SPRY3: variants seen among roughly 807,000 people sequenced by gnomAD.
SPRY3 encodes the protein sprouty RTK signaling antagonist 3.
SPRY3 carries 15 observed loss-of-function variants against 20.2 expected under a neutral mutation model. That is an observed-to-expected ratio of 0.74 (90% CI 0.50 to 1.14). The LOEUF is 1.14. Among genes scored for constraint, SPRY3 ranks in the 50% most tolerant of loss-of-function variants. SPRY3 has a pLI of 0.00. For synonymous variants in SPRY3, 143 were observed against 136.5 expected, an observed-to-expected ratio of 1.05 and a Z score of -0.33; for missense variants, 364 against 363.9, an observed-to-expected ratio of 1.00 and a Z score of 0.00.
At chrX:155,780,115 C>T (rs1261136885), downstream of SPRY3, 1 of 166,926 alleles carries the variant, frequency 6.0e-6, no homozygotes, top group Non-Finnish European at 1.5e-5. Flanking sequence ...TATGTTTGCT[C>T]CCATATGTAT....
At chrX:155,780,173 A>C (rs767876203), downstream of SPRY3, 1 of 166,958 alleles carries the variant, frequency 6.0e-6, no homozygotes, top group East Asian at 1.9e-4. Context: ...TAACCCACAC[A>C]TTGTCATTCC....
At chrX:155,754,239 A>G (rs978759723) in intron 2 of SPRY3, among the ~76,000 whole-genome samples, 2 of 151,910 alleles carry the variant, frequency 1.3e-5, no homozygotes, top group Admixed American at 6.6e-5. Context: ...ATTTATGTCT[A>G]TGATTTTGAG....
chrX:155,705,507 A>G (rs967825156), intron 2 of SPRY3, among the ~76,000 whole-genome samples: 1 of 151,494 alleles, frequency 6.6e-6, no homozygotes, highest in African/African-American at 2.4e-5. Flanking sequence ...TTTTAATCCA[A>G]CCATATCAAT....
At chrX:155,719,026 C>T (rs994223660) in intron 2 of SPRY3, among the ~76,000 whole-genome samples, 1 of 152,146 alleles carries the variant, frequency 6.6e-6, no homozygotes, top group African/African-American at 2.4e-5. Context: ...ACTCACAGTA[C>T]CTGGTTTAGC....
intron 2 of SPRY3, among the ~76,000 whole-genome samples, chrX:155,744,216 G>A (rs2091215723): frequency 1.3e-5 from 2 of 152,052 alleles, no homozygotes; most frequent in Admixed American, 6.6e-5. Context: ...TGTGGATTCC[G>A]AGGTAATCCT....
chrX:155,759,535 ATATATC>A, intron 2 of SPRY3, among the ~76,000 whole-genome samples: 1 of 152,068 alleles, frequency 6.6e-6, no homozygotes, highest in East Asian at 1.9e-4. Flanking sequence ...ATCGCTATAT[ATATATC>A]TATATTAATA....
intron 1 of SPRY3, among the ~76,000 whole-genome samples, chrX:155,650,670 C>T (rs1478683740): frequency 1.8e-5 from 2 of 111,565 alleles, no homozygotes; most frequent in Non-Finnish European, 3.8e-5. Flanking sequence ...GGTGTACCAC[C>T]TTGCTCTCCC....
chrX:155,749,279 C>T (rs1050191435), intron 2 of SPRY3, among the ~76,000 whole-genome samples: 1 of 151,762 alleles, frequency 6.6e-6, no homozygotes, highest in Non-Finnish European at 1.5e-5. Context: ...AATAGACATT[C>T]CCTGTCCTTA....
chrX:155,760,478 G>A (rs1276852696), intron 2 of SPRY3, among the ~76,000 whole-genome samples: 1 of 152,156 alleles, frequency 6.6e-6, no homozygotes, highest in Non-Finnish European at 1.5e-5. Context: ...CAGGTGCTTA[G>A]ATCCTTTTTC....
chrX:155,661,412 G>A (rs1191327469), intron 2 of SPRY3, among the ~76,000 whole-genome samples: 2 of 111,273 alleles, frequency 1.8e-5, no homozygotes, highest in Non-Finnish European at 3.8e-5. Flanking sequence ...TAGTCTGATG[G>A]GATTTCCTTC....
intron 2 of SPRY3, among the ~76,000 whole-genome samples, chrX:155,748,562 G>T (rs2091240975): frequency 6.6e-6 from 1 of 151,814 alleles, no homozygotes; most frequent in Admixed American, 6.6e-5. Context: ...TTAAAGGAAT[G>T]AGGAATAGTT....
intron 2 of SPRY3, among the ~76,000 whole-genome samples, chrX:155,700,630 T>A (rs1336035992): frequency 1.2e-5 from 1 of 84,037 alleles, no homozygotes; most frequent in Non-Finnish European, 2.2e-5. Flanking sequence ...TTTTTTTTTT[T>A]TTTATTATAC....
chrX:155,774,380 G>A, exon 4 of SPRY3: 1 of 1,614,008 alleles, frequency 6.2e-7, no homozygotes, highest in South Asian at 1.1e-5. Flanking sequence ...TGCTGGCTGT[G>A]CAACCAGCGC....
intron 2 of SPRY3, among the ~76,000 whole-genome samples, chrX:155,713,343 C>A (rs1259918851): frequency 2.0e-5 from 3 of 151,996 alleles, no homozygotes; most frequent in Admixed American, 6.6e-5. Context: ...CCATTAATGT[C>A]TTTTTCTTTC....
Position 155,714,994 on chromosome X carries a change from G to A in SPRY3, c.-281-52968G>A, listed in dbSNP as rs2091012198. Among the ~76,000 whole-genome samples the A allele has an allele frequency of 2.6e-5, 4 of 152,094 alleles. No homozygotes were observed. The South Asian group carries it at 8.3e-4, about 32-fold the overall frequency. On this transcript the variant is annotated intron_variant, in intron 2 of 3. Transcript: ENST00000675360. ...GGGCAGTGAACTCCTCTCTGGCCCA[G>A]AGCAGGTCCAGAAATGCTGTCTAAG...
intron 2 of SPRY3, among the ~76,000 whole-genome samples, chrX:155,717,620 T>C (rs2091031725): frequency 6.6e-6 from 1 of 151,988 alleles, no homozygotes; most frequent in African/African-American, 2.4e-5. Context: ...CATGTTCTCA[T>C]TGTTCAACTC....
intron 2 of SPRY3, among the ~76,000 whole-genome samples, chrX:155,753,558 G>C (rs1425130918): frequency 2.0e-5 from 3 of 151,824 alleles, no homozygotes; most frequent in African/African-American, 7.2e-5. Context: ...TTTTTGTATA[G>C]ACACATGTTT....
intron 2 of SPRY3, among the ~76,000 whole-genome samples, chrX:155,721,662 C>T (rs1307818564): frequency 4.6e-5 from 7 of 150,908 alleles, no homozygotes; most frequent in Non-Finnish European, 1.0e-4. Context: ...ATTTAAAGAG[C>T]TGAAGGAAAA....
intron 2 of SPRY3, among the ~76,000 whole-genome samples, chrX:155,765,755 C>G (rs2091324152): frequency 6.6e-6 from 1 of 152,132 alleles, no homozygotes; most frequent in Non-Finnish European, 1.5e-5. Flanking sequence ...AACTTTAAAG[C>G]TAGACTTTAA....
Sources: allele counts gnomAD v4.1 joint callset (sites outside exome capture counted in the v4.1 genomes callset), GRCh38; gene constraint gnomAD v4.1.1; transcripts MANE v1.5; gene names NCBI Gene and HGNC (gene_info 2026-07-23, HGNC 2026-07-21).